NMNAT3: variants seen among roughly 807,000 people sequenced by gnomAD.
NMNAT3 encodes the protein nicotinamide/nicotinic acid mononucleotide adenylyltransferase 3.
Under a neutral mutation model 24.8 loss-of-function variants are expected in NMNAT3, and 21 were observed. That is an observed-to-expected ratio of 0.85 (90% CI 0.60 to 1.22). NMNAT3 has a LOEUF of 1.22. Among genes scored for constraint, NMNAT3 ranks in the 50% most tolerant of loss-of-function variants. The pLI, the probability that NMNAT3 is intolerant of heterozygous loss-of-function variation, is 0.00. For synonymous variants in NMNAT3, 136 were observed against 155.2 expected (o/e 0.88, Z 0.92); for missense variants, 387 against 436.6 (o/e 0.89, Z 1.01).
intron 2 of NMNAT3, among the ~76,000 whole-genome samples, chr3:139,633,165 T>C (rs1354187500): frequency 1.4e-5 from 2 of 145,198 alleles, no homozygotes; most frequent in Admixed American, 7.3e-5. Context: ...AGGGAATACA[T>C]TTGTGTTTTT....
At chr3:139,590,956 AGAG>A (rs913365455) in intron 3 of NMNAT3, among the ~76,000 whole-genome samples, 14 of 152,238 alleles carry the variant, frequency 9.2e-5, no homozygotes, top group Admixed American at 5.9e-4. Context: ...GAATTTACTC[AGAG>A]GAGGAGCCAA....
intron 5 of NMNAT3, chr3:139,575,644 T>C: frequency 9.8e-7 from 1 of 1,017,592 alleles, no homozygotes; most frequent in Non-Finnish European, 1.2e-6. Context: ...TGAACTTTGT[T>C]GTGGAAATAA....
intron 3 of NMNAT3, among the ~76,000 whole-genome samples, chr3:139,615,431 C>CTATG (rs1559912813): frequency 6.7e-6 from 1 of 149,180 alleles, no homozygotes; most frequent in African/African-American, 2.5e-5. Flanking sequence ...ATCTATCTAT[C>CTATG]TATCTATCTA....
chr3:139,596,992 A>G (rs964961981), intron 3 of NMNAT3, among the ~76,000 whole-genome samples: 2 of 143,594 alleles, frequency 1.4e-5, no homozygotes, highest in African/African-American at 5.1e-5. Context: ...TACAACCATT[A>G]TATAGGAAAT....
intron 1 of NMNAT3, among the ~76,000 whole-genome samples, chr3:139,671,851 C>T (rs1365028658): frequency 6.6e-6 from 1 of 152,214 alleles, no homozygotes; most frequent in Non-Finnish European, 1.5e-5. Flanking sequence ...TTCTAATGAT[C>T]ACTGGCTCAC....
At chr3:139,661,893 A>G (rs1450082721) in intron 1 of NMNAT3, among the ~76,000 whole-genome samples, 2 of 152,162 alleles carry the variant, frequency 1.3e-5, no homozygotes, top group Non-Finnish European at 2.9e-5. Context: ...ATATGATCAC[A>G]CCTGAAATTA....
At chr3:139,663,839 T>A (rs2108434993) in intron 1 of NMNAT3, among the ~76,000 whole-genome samples, 1 of 152,212 alleles carries the variant, frequency 6.6e-6, no homozygotes, top group East Asian at 1.9e-4. Context: ...GACTTCCTTC[T>A]CTCCCTGGCT....
intron 3 of NMNAT3, among the ~76,000 whole-genome samples, chr3:139,604,222 C>T (rs536940476): frequency 7.9e-5 from 12 of 152,228 alleles, no homozygotes; most frequent in East Asian, 1.9e-4. Context: ...GTGCAAGCCA[C>T]GTAGCAACTA....
intron 2 of NMNAT3, 166 bp downstream of exon 2, chr3:139,637,797 C>T (rs2056555872): frequency 6.6e-6 from 1 of 152,206 alleles, no homozygotes; most frequent in Admixed American, 6.5e-5. Context: ...GAGCTCCCTC[C>T]TCTAACCTTG....
intron 6 of NMNAT3, among the ~76,000 whole-genome samples, chr3:139,564,427 G>A (rs1936869811): frequency 6.6e-6 from 1 of 152,192 alleles, no homozygotes; most frequent in African/African-American, 2.4e-5. Context: ...TTGGGAGAGG[G>A]AATCCTCTGA....
Position 139,578,918 on chromosome 3 carries a change from A to T in NMNAT3, c.529T>A (p.Trp177Arg), listed in dbSNP as rs749674249. 5 of 1,614,170 alleles carry T rather than the reference A, an allele frequency of 3.1e-6. No individual in the cohort carries two copies. The Admixed American group carries it at 8.3e-5, about 27-fold the overall frequency. Residue 177 changes from tryptophan (W) to arginine (R), a missense_variant, in exon 5 of 7, where the codon TGG (tryptophan) becomes AGG (arginine). This residue lies in a region of NMNAT3 where 323 missense variants were observed against 345.2 expected (regional missense o/e 0.94). Transcript: ENST00000643695. Reference sequence around the variant, plus strand: ...ATCCACTGTGCCTGCTCACTCTCCCAAGGGTCCACCCGGATCCAGTCGGAT... The same window carrying T: ...ATCCACTGTGCCTGCTCACTCTCCCTAGGGTCCACCCGGATCCAGTCGGAT...
At chr3:139,589,465 T>C (rs2054075855) in intron 3 of NMNAT3, among the ~76,000 whole-genome samples, 1 of 152,166 alleles carries the variant, frequency 6.6e-6, no homozygotes, top group Non-Finnish European at 1.5e-5. Flanking sequence ...CATACAGAAC[T>C]GGAAAGCAGG....
Position 139,582,930 on chromosome 3 carries a change from G to C in NMNAT3, c.388C>G (p.Gln130Glu), listed in dbSNP as rs2053730890. ...AAAATATATATATATTTTTTACCTT[G>C]AAGTCGCTCATCAGTGAATATTTTG... Residue 130 changes from glutamine to glutamate, a missense_variant, in exon 4 of 7, where the codon CAA becomes GAA. Physicochemically the swap from Gln to Glu is conservative, Grantham distance 29 (BLOSUM62 2). Coordinates refer to ENST00000643695, the MANE Select transcript of NMNAT3 (RefSeq NM_001320510.2). 6.8e-7 allele frequency: 1 copy of C among 1,466,056 alleles called. No individual in the cohort carries two copies. The highest frequency in any genetic ancestry group is 2.5e-5 in the Admixed American group (1 of 39,474). 90.8% of individuals were successfully genotyped at this position (1,466,056 alleles called of 1,614,324 possible).
At chr3:139,610,356 G>T (rs183102409) in intron 3 of NMNAT3, among the ~76,000 whole-genome samples, 1 of 152,120 alleles carries the variant, frequency 6.6e-6, no homozygotes, top group African/African-American at 2.4e-5. Flanking sequence ...GAAGGAAAAT[G>T]CTGTTTGTTA....
intron 6 of NMNAT3, 84 bp from the exon 7 acceptor site, chr3:139,561,476 G>T: frequency 7.7e-7 from 1 of 1,296,474 alleles, no homozygotes; most frequent in Non-Finnish European, 1.0e-6. Context: ...CTCACAAAAT[G>T]CTTTTCTTGG....
chr3:139,673,280 T>C (rs1056983157), intron 1 of NMNAT3, among the ~76,000 whole-genome samples: 5 of 152,164 alleles, frequency 3.3e-5, no homozygotes, highest in Admixed American at 2.6e-4. Context: ...CGCTGAGAAC[T>C]GGAGCACCCA....
At chr3:139,625,773 G>A (rs1316750596) in intron 3 of NMNAT3, among the ~76,000 whole-genome samples, 1 of 152,084 alleles carries the variant, frequency 6.6e-6, no homozygotes, top group African/African-American at 2.4e-5. Flanking sequence ...CCATGCTTCT[G>A]TTTGGTATTA....
At chr3:139,622,724 G>A (rs1576670794) in intron 3 of NMNAT3, among the ~76,000 whole-genome samples, 1 of 144,254 alleles carries the variant, frequency 6.9e-6, no homozygotes, top group Admixed American at 7.1e-5. Flanking sequence ...GACAGAGCAA[G>A]ACTCTGTCTC....
chr3:139,596,288 G>T (rs2108197686), intron 3 of NMNAT3, among the ~76,000 whole-genome samples: 1 of 152,276 alleles, frequency 6.6e-6, no homozygotes, highest in Non-Finnish European at 1.5e-5. Flanking sequence ...TCTACCCCTG[G>T]AAATATACTG....
Sources: gnomAD v4.1 joint callset for allele counts (sites outside exome capture counted in the v4.1 genomes callset) on GRCh38, gnomAD v4.1.1 for gene constraint, gnomAD v4.1.1 regional missense constraint, MANE v1.5 for transcripts, NCBI Gene and HGNC (gene_info 2026-07-23, HGNC 2026-07-21) for gene names.